Variants in EPB41L1 observed in about 807,000 individuals in gnomAD.
The protein encoded by EPB41L1 is band 4.1-like protein 1.
A neutral mutation model predicts 97.8 loss-of-function variants in EPB41L1; 29 were observed. That is an observed-to-expected ratio of 0.30 (90% CI 0.22 to 0.40). EPB41L1 has a LOEUF of 0.40. Among genes scored for constraint, EPB41L1 ranks in the 10% least tolerant of loss-of-function variants. The pLI is 1.00. For synonymous variants in EPB41L1, 383 were observed against 459.2 expected (o/e 0.83, Z 2.12); for missense variants, 812 against 1,162.3 (o/e 0.70, Z 4.38).
At position 36,209,518 on chromosome 20, in the gene EPB41L1, A is replaced by G; in HGVS notation, c.1699A>G (p.Lys567Glu). The change falls in exon 15 of 22, where the codon AAA becomes GAA. Residue 567 changes from lysine (K) to glutamate (E), a missense_variant. This residue lies in a region of EPB41L1 where 498 missense variants were observed against 622.7 expected (regional missense o/e 0.80). Coordinates refer to ENST00000338074, the MANE Select transcript of EPB41L1 (RefSeq NM_012156.2). This position sits in a 1 kb window ranked among gnomAD's most constrained non-coding sequence, Gnocchi z 4.2. ...AGGGCTGAGGGAGGGCTCCGAGGAG[A>G]AAGTCAAACCACCACGTCCCCGGGC... is the stretch of plus-strand genomic sequence containing the variant. ...RAGLREGSEE[K>E]VKPPRPRAPE... The G allele has an allele frequency of 3.1e-6, 5 of 1,613,902 alleles. No homozygotes were observed. The highest frequency in any genetic ancestry group is 4.2e-6 in the Non-Finnish European group (5 of 1,179,968).
chr20:36,197,165 T>C (rs540833470), intron 13 of EPB41L1, among the ~76,000 whole-genome samples: 12 of 152,334 alleles, frequency 7.9e-5, no homozygotes, highest in African/African-American at 2.9e-4. Flanking sequence ...TAGTGTCCCA[T>C]CACAGAGGAG....
chr20:36,201,002 C>G (rs1285886691), intron 14 of EPB41L1: 1 of 456,772 alleles, frequency 2.2e-6, no homozygotes. Flanking sequence ...CTTCCTGTGC[C>G]CCTTCCTCCT....
Position 36,206,538 on chromosome 20 carries a change from A to G in EPB41L1, c.1669-2950A>G, listed in dbSNP as rs780993169. ...TCCCTCCACCCCTGGAGGAGAGAAA[A>G]GGGCGCCTGGATGCCCCTCCCGGAG... On this transcript the variant is annotated intron_variant, in intron 14 of 21. Coordinates refer to ENST00000338074, the MANE Select transcript of EPB41L1 (RefSeq NM_012156.2). This position sits in a 1 kb window ranked among gnomAD's most constrained non-coding sequence, Gnocchi z 5.5. 9.3e-6 allele frequency: 12 copies of G among 1,289,652 alleles called. No homozygotes were observed. Among genetic ancestry groups the G allele is most frequent in the Admixed American group, 4.6e-5 (2 of 43,544 alleles). The allele number at this position is 1,289,652 out of a possible 1,614,324, so 79.9% of individuals were successfully genotyped here.
chr20:36,132,565 G>GGT (rs1251514195), intron 2 of EPB41L1, among the ~76,000 whole-genome samples: 1 of 109,432 alleles, frequency 9.1e-6, no homozygotes, highest in Non-Finnish European at 1.9e-5. Context: ...CATCTTTGTG[G>GGT]GCGGGGGGGG....
chr20:36,096,407 A>G (rs1775331305), intron 1 of EPB41L1, among the ~76,000 whole-genome samples: 1 of 152,138 alleles, frequency 6.6e-6, no homozygotes, highest in African/African-American at 2.4e-5. Context: ...CAGTTTCTCC[A>G]ATTCTTACTT....
intron 1 of EPB41L1, among the ~76,000 whole-genome samples, chr20:36,158,381 G>C (rs185633299): frequency 1.3e-5 from 2 of 152,256 alleles, no homozygotes; most frequent in African/African-American, 4.8e-5. Flanking sequence ...CTATTTTGGT[G>C]CTCAGGGAAG....
At chr20:36,188,687 T>C (rs1990248406) in intron 9 of EPB41L1, among the ~76,000 whole-genome samples, 188 bp downstream of exon 9, 1 of 145,460 alleles carries the variant, frequency 6.9e-6, no homozygotes, top group Admixed American at 6.9e-5. Flanking sequence ...AATAAAAGTA[T>C]AACCACATAT....
chr20:36,109,200 G>A (rs1340576554), intron 1 of EPB41L1, among the ~76,000 whole-genome samples: 3 of 152,070 alleles, frequency 2.0e-5, no homozygotes, highest in Non-Finnish European at 4.4e-5. Context: ...GCCTGCCTCG[G>A]CCTCCCAAAG....
intron 14 of EPB41L1, among the ~76,000 whole-genome samples, chr20:36,200,402 C>G (rs1226794011): frequency 6.6e-6 from 1 of 152,168 alleles, no homozygotes; most frequent in African/African-American, 2.4e-5. Context: ...TAGCAGCCTC[C>G]TCGTATATTG....
At chr20:36,193,786 T>G (rs1385655006) in intron 11 of EPB41L1, among the ~76,000 whole-genome samples, 1 of 152,200 alleles carries the variant, frequency 6.6e-6, no homozygotes, top group East Asian at 1.9e-4. Context: ...AACAGCAACA[T>G]TTATGGGCTG....
At chr20:36,108,391 A>G (rs1452950826) in intron 1 of EPB41L1, among the ~76,000 whole-genome samples, 1 of 152,044 alleles carries the variant, frequency 6.6e-6, no homozygotes, top group Non-Finnish European at 1.5e-5. Flanking sequence ...TGTAGGTACT[A>G]AGGCCAGGCA....
chr20:36,205,885 A>G, intron 14 of EPB41L1: 1 of 1,289,868 alleles, frequency 7.8e-7, no homozygotes, highest in Middle Eastern at 2.1e-4. Context: ...AAGAGAGTAC[A>G]CTAGGCCAGA....
At chr20:36,120,990 T>C (rs2058732328) in intron 2 of EPB41L1, among the ~76,000 whole-genome samples, 1 of 151,858 alleles carries the variant, frequency 6.6e-6, no homozygotes, top group Admixed American at 6.6e-5. Context: ...AGCATGATGA[T>C]TGGGTGTTCA....
chr20:36,150,232 G>A (rs562184531), upstream of EPB41L1, among the ~76,000 whole-genome samples: 7 of 151,972 alleles, frequency 4.6e-5, no homozygotes, highest in East Asian at 1.9e-4. Flanking sequence ...CACCATGCCC[G>A]GCTAATTTTT....
intron 21 of EPB41L1, among the ~76,000 whole-genome samples, chr20:36,226,889 A>G (rs1198671601): frequency 6.6e-6 from 1 of 152,186 alleles, no homozygotes; most frequent in African/African-American, 2.4e-5. Flanking sequence ...TCATTAATTG[A>G]TGCACAAACT....
At chr20:36,175,065 C>T (rs1483303248) in intron 2 of EPB41L1, among the ~76,000 whole-genome samples, 1 of 152,186 alleles carries the variant, frequency 6.6e-6, no homozygotes, top group Non-Finnish European at 1.5e-5. Flanking sequence ...GCCAAGATCA[C>T]TGAGGGCATC....
At chr20:36,124,212 G>C (rs1245615804) in intron 2 of EPB41L1, among the ~76,000 whole-genome samples, 1 of 152,084 alleles carries the variant, frequency 6.6e-6, no homozygotes, top group Non-Finnish European at 1.5e-5. Context: ...CCGAGATCGC[G>C]CCACTGCACT....
intron 1 of EPB41L1, among the ~76,000 whole-genome samples, chr20:36,103,943 A>G (rs2058105379): frequency 1.3e-5 from 2 of 152,084 alleles, no homozygotes; most frequent in Admixed American, 1.3e-4. Flanking sequence ...TGACCTCATG[A>G]TCTGCCCGCC....
chr20:36,223,302 G>A (rs186911849), intron 21 of EPB41L1, among the ~76,000 whole-genome samples: 1 of 152,202 alleles, frequency 6.6e-6, no homozygotes, highest in Admixed American at 6.5e-5. Flanking sequence ...CCAAAGTGCT[G>A]GGATTACAGG....
Sources: gnomAD v4.1 joint callset for allele counts (sites outside exome capture counted in the v4.1 genomes callset) on GRCh38, gnomAD v4.1.1 for gene constraint, gnomAD v4.1.1 regional missense constraint, Gnocchi (gnomAD v3.1) non-coding constraint, MANE v1.5 for transcripts, NCBI Gene and HGNC (gene_info 2026-07-23, HGNC 2026-07-21) for gene names.